CSMD3: variants seen among roughly 807,000 people sequenced by gnomAD.
The protein encoded by CSMD3 is CUB and sushi domain-containing protein 3.
In CSMD3, 177 loss-of-function variants were observed where a neutral mutation model predicts 435.2. The observed-to-expected ratio is 0.41, with a 90% CI of 0.36 to 0.46. The LOEUF is 0.46. CSMD3 is among the 20% of genes least tolerant of loss of function. CSMD3 has a pLI of 0.34. For synonymous variants in CSMD3, 1,656 were observed against 1,520.5 expected, an observed-to-expected ratio of 1.09 and a Z score of -2.07; for missense variants, 4,265 against 4,504.6, an observed-to-expected ratio of 0.95 and a Z score of 1.52.
At chr8:112,539,996 C>T (rs918282748) in intron 27 of CSMD3, among the ~76,000 whole-genome samples, 1 of 151,806 alleles carries the variant, frequency 6.6e-6, no homozygotes, top group African/African-American at 2.4e-5. Context: ...TTGCTAACTG[C>T]CCATCTGACA....
At chr8:113,010,416 A>T (rs924159283) in intron 6 of CSMD3, among the ~76,000 whole-genome samples, 13 of 151,856 alleles carry the variant, frequency 8.6e-5, no homozygotes, top group Non-Finnish European at 8.8e-5. Context: ...TTCTCTTATC[A>T]GCAGGAATGT....
intron 10 of CSMD3, among the ~76,000 whole-genome samples, chr8:112,860,095 G>T (rs231299): frequency 0.97 from 146,819 of 151,844 alleles, 71,006 homozygotes; most frequent in East Asian, 1. Context: ...AAAATCAGTT[G>T]ATGGACCTCC....
At chr8:112,627,714 A>G (rs1365922937) in intron 22 of CSMD3, among the ~76,000 whole-genome samples, 1 of 152,186 alleles carries the variant, frequency 6.6e-6, no homozygotes, top group Non-Finnish European at 1.5e-5. Context: ...TTTTAATAAC[A>G]TGAGAATCAA....
At chr8:113,275,349 G>A (rs575024558) in intron 3 of CSMD3, among the ~76,000 whole-genome samples, 6 of 152,134 alleles carry the variant, frequency 3.9e-5, no homozygotes, top group African/African-American at 1.4e-4. Context: ...TCTTTCCAGG[G>A]AGAGAAAGAT....
intron 16 of CSMD3, among the ~76,000 whole-genome samples, chr8:112,667,570 T>C (rs959335065): frequency 7.9e-5 from 12 of 152,086 alleles, no homozygotes; most frequent in African/African-American, 2.7e-4. Context: ...TACCATGCCC[T>C]TCAGTGACAA....
chr8:112,399,223 G>A (rs1002555689), intron 35 of CSMD3, among the ~76,000 whole-genome samples: 1 of 151,418 alleles, frequency 6.6e-6, no homozygotes, highest in Non-Finnish European at 1.5e-5. Context: ...TCCCAATACA[G>A]GTAGGTTGAA....
At chr8:112,342,973 A>ATATATATATATTTATATATATATATATT (rs1415336850) in intron 41 of CSMD3, among the ~76,000 whole-genome samples, 5 of 63,314 alleles carry the variant, frequency 7.9e-5, no homozygotes, top group South Asian at 5.9e-4. Context: ...GAAATGTATT[A>ATATATATATATTTATATATATATATATT]TATATATATA....
At chr8:112,848,359 G>C (rs970574015) in intron 11 of CSMD3, among the ~76,000 whole-genome samples, 31 of 152,044 alleles carry the variant, frequency 2.0e-4, no homozygotes, top group Non-Finnish European at 7.4e-5. Context: ...ATCTTAGACT[G>C]TGCTGTATTA....
intron 70 of CSMD3, among the ~76,000 whole-genome samples, chr8:112,226,473 C>G (rs1222163094): frequency 6.6e-6 from 1 of 151,960 alleles, no homozygotes; most frequent in Non-Finnish European, 1.5e-5. Flanking sequence ...ATTCATAAAA[C>G]TCTTAGGAAA....
At chr8:112,829,042 A>G (rs965665108) in intron 12 of CSMD3, among the ~76,000 whole-genome samples, 2 of 152,096 alleles carry the variant, frequency 1.3e-5, no homozygotes, top group African/African-American at 4.8e-5. Flanking sequence ...GAGAATGAAA[A>G]GGAAAAGAAA....
chr8:112,634,043 C>G (rs921028072), intron 22 of CSMD3, among the ~76,000 whole-genome samples: 1 of 151,784 alleles, frequency 6.6e-6, no homozygotes, highest in Admixed American at 6.6e-5. Flanking sequence ...ATGCAGTTGG[C>G]AATGCTGAAG....
chr8:112,293,612 T>C (rs1490724380), intron 54 of CSMD3, among the ~76,000 whole-genome samples: 2 of 152,138 alleles, frequency 1.3e-5, no homozygotes, highest in African/African-American at 2.4e-5. Flanking sequence ...TATTTGATAA[T>C]ATAATTTTTC....
chr8:113,301,731 T>TA (rs1206236693), intron 2 of CSMD3, among the ~76,000 whole-genome samples: 1 of 152,132 alleles, frequency 6.6e-6, no homozygotes, highest in Non-Finnish European at 1.5e-5. Flanking sequence ...ATTATATATA[T>TA]TTTTATGTTG....
chr8:113,428,503 C>T (rs1513528), intron 1 of CSMD3, among the ~76,000 whole-genome samples: 2,755 of 151,562 alleles, frequency 0.018, 93 homozygotes, highest in African/African-American at 0.061. Flanking sequence ...GTGTATTACT[C>T]GAAAATGGAG....
chr8:112,589,276 C>T (rs973811187), intron 22 of CSMD3, among the ~76,000 whole-genome samples: 1 of 152,094 alleles, frequency 6.6e-6, no homozygotes, highest in Non-Finnish European at 1.5e-5. Flanking sequence ...TTTAGCTGCC[C>T]TGAGCTACTA....
chr8:112,827,102 T>C (rs1261933777), intron 12 of CSMD3, among the ~76,000 whole-genome samples: 3 of 144,748 alleles, frequency 2.1e-5, no homozygotes, highest in Non-Finnish European at 4.5e-5. Context: ...TAACCAGTTC[T>C]AATAGTTGAG....
At chr8:112,580,554 G>C (rs1352670675) in intron 23 of CSMD3, among the ~76,000 whole-genome samples, 1 of 128,866 alleles carries the variant, frequency 7.8e-6, no homozygotes, top group Non-Finnish European at 1.7e-5. Context: ...AAAAAAAAAA[G>C]ATACTGGGGG....
At chr8:112,513,601 T>C (rs1289146254) in intron 28 of CSMD3, among the ~76,000 whole-genome samples, 1 of 152,094 alleles carries the variant, frequency 6.6e-6, no homozygotes, top group East Asian at 1.9e-4. Flanking sequence ...TACCAAAATA[T>C]AATACAGGGA....
intron 6 of CSMD3, among the ~76,000 whole-genome samples, chr8:112,982,320 G>A (rs2085083158): frequency 6.6e-6 from 1 of 151,872 alleles, no homozygotes; most frequent in African/African-American, 2.4e-5. Flanking sequence ...GACAATAAAT[G>A]TTGAAGACCT....
Sources: allele counts gnomAD v4.1 joint callset (sites outside exome capture counted in the v4.1 genomes callset), GRCh38; gene constraint gnomAD v4.1.1; transcripts MANE v1.5; gene names NCBI Gene and HGNC (gene_info 2026-07-23, HGNC 2026-07-21).